RASGRF1: variants seen among roughly 807,000 people sequenced by gnomAD.
The protein encoded by RASGRF1 is Ras protein specific guanine nucleotide releasing factor 1.
In RASGRF1, 40 loss-of-function variants were observed where a neutral mutation model predicts 138.7. The ratio of observed to expected loss-of-function variants is 0.29; its 90% CI spans 0.22 to 0.38. The LOEUF (loss-of-function observed/expected upper bound fraction) is 0.38. RASGRF1 is among the 10% of genes least tolerant of loss of function. The pLI is 1.00. For synonymous variants in RASGRF1, 614 were observed against 663.2 expected (o/e 0.93, Z 1.14); for missense variants, 1,108 against 1,650.4 (o/e 0.67, Z 5.69).
chr15:79,007,319 C>T (rs1196850901), intron 13 of RASGRF1, among the ~76,000 whole-genome samples: 1 of 152,148 alleles, frequency 6.6e-6, no homozygotes, highest in East Asian at 1.9e-4. Context: ...CCCTCTGGTG[C>T]TTACGCCACT....
At chr15:79,041,729 A>C (rs1209379181) in intron 5 of RASGRF1, among the ~76,000 whole-genome samples, 1 of 152,200 alleles carries the variant, frequency 6.6e-6, no homozygotes, top group Non-Finnish European at 1.5e-5. Context: ...GGCAGATAGG[A>C]CTGGGCAGGA....
intron 1 of RASGRF1, among the ~76,000 whole-genome samples, chr15:79,078,241 C>T (rs911819370): frequency 1.3e-5 from 2 of 151,816 alleles, no homozygotes; most frequent in Non-Finnish European, 2.9e-5. Flanking sequence ...CCATATAGGC[C>T]CCCCCGGCCC....
intron 24 of RASGRF1, among the ~76,000 whole-genome samples, chr15:78,976,972 G>A (rs1014605699): frequency 6.6e-6 from 1 of 152,230 alleles, no homozygotes; most frequent in African/African-American, 2.4e-5. Flanking sequence ...AGGCCTCGCT[G>A]TCGCACTCCC....
At chr15:79,075,103 G>A (rs1247352104) in intron 1 of RASGRF1, among the ~76,000 whole-genome samples, 1 of 152,192 alleles carries the variant, frequency 6.6e-6, no homozygotes, top group Non-Finnish European at 1.5e-5. Flanking sequence ...GCTGGACACT[G>A]GAGTTTGACG....
At chr15:79,075,224 C>T (rs1034998273) in intron 1 of RASGRF1, among the ~76,000 whole-genome samples, 8 of 152,226 alleles carry the variant, frequency 5.3e-5, no homozygotes, top group African/African-American at 1.9e-4. Flanking sequence ...CAAACTATAC[C>T]TGCGACCTAC....
intron 1 of RASGRF1, among the ~76,000 whole-genome samples, chr15:79,089,553 C>CAGCCCTGGCCCT (rs891081004): frequency 3.9e-5 from 6 of 152,262 alleles, no homozygotes; most frequent in African/African-American, 1.4e-4. Context: ...GCCTCCGCAG[C>CAGCCCTGGCCCT]AGCCCTGGCC....
intron 5 of RASGRF1, among the ~76,000 whole-genome samples, chr15:79,038,640 A>G (rs1732924943): frequency 6.6e-6 from 1 of 152,182 alleles, no homozygotes; most frequent in Admixed American, 6.5e-5. Context: ...TTAATTTTAA[A>G]TAACTATATT....
intron 4 of RASGRF1, 75 bp downstream of exon 4, chr15:79,049,421 T>C (rs1273142169): frequency 7.1e-7 from 1 of 1,401,830 alleles, no homozygotes. Context: ...GGCTGTGGTG[T>C]GGATACTGCC....
chr15:79,083,174 A>AGGAGGCT (rs2057935565), intron 1 of RASGRF1, among the ~76,000 whole-genome samples: 1 of 152,182 alleles, frequency 6.6e-6, no homozygotes, highest in Admixed American at 6.5e-5. Flanking sequence ...TCCTCAGTGA[A>AGGAGGCT]GGAGGCTGGA....
At position 78,985,125 on chromosome 15, in the gene RASGRF1, G is replaced by A; in HGVS notation, c.3296C>T (p.Ala1099Val). The A allele has an allele frequency of 3.7e-6, 6 of 1,613,486 alleles. No homozygotes were observed. The highest frequency in any genetic ancestry group is 5.1e-6 in the Non-Finnish European group (6 of 1,179,412). Reference sequence around the variant, plus strand: ...GAGGCAGCGGCATATGTCAGCTACGGCCACCCACTTCTCGATGGCGCTCAC... The same window carrying A: ...GAGGCAGCGGCATATGTCAGCTACGACCACCCACTTCTCGATGGCGCTCAC... ...ARVSAIEKWV[A>V]VADICRCLHN... The change falls in exon 23 of 27, where the codon GCC becomes GTC. Residue 1099 changes from alanine (A) to valine (V), a missense_variant. By Grantham distance (64) the Ala-to-Val change is moderately conservative. Transcript: ENST00000558480.
At chr15:79,010,492 C>T (rs1362265199) in intron 13 of RASGRF1, among the ~76,000 whole-genome samples, 2 of 152,200 alleles carry the variant, frequency 1.3e-5, no homozygotes, top group Non-Finnish European at 2.9e-5. Flanking sequence ...GCAATGTCTG[C>T]CAGGGGCTCT....
At chr15:79,040,317 C>T (rs1470282410) in intron 5 of RASGRF1, among the ~76,000 whole-genome samples, 4 of 152,156 alleles carry the variant, frequency 2.6e-5, no homozygotes, top group South Asian at 4.1e-4. Context: ...ACCCCTGTCA[C>T]CTCTGCCTAG....
intron 19 of RASGRF1, among the ~76,000 whole-genome samples, 176 bp from the exon 20 acceptor site, chr15:78,995,976 C>A (rs1341190247): frequency 1.3e-5 from 2 of 152,220 alleles, no homozygotes; most frequent in African/African-American, 4.8e-5. Flanking sequence ...TCCTGGCGCT[C>A]CTGGCTGTGG....
At chr15:78,971,054 A>C (rs369278316) in intron 26 of RASGRF1, among the ~76,000 whole-genome samples, 18 of 152,120 alleles carry the variant, frequency 1.2e-4, no homozygotes, top group Non-Finnish European at 2.1e-4. Context: ...CACTGTACTT[A>C]GCATTACACA....
intron 5 of RASGRF1, among the ~76,000 whole-genome samples, chr15:79,042,294 C>A (rs1229337117): frequency 6.6e-6 from 1 of 152,192 alleles, no homozygotes; most frequent in East Asian, 1.9e-4. Flanking sequence ...CTGTATATTT[C>A]AGCCTAAAAG....
intron 1 of RASGRF1, among the ~76,000 whole-genome samples, chr15:79,071,230 G>A (rs1173271424): frequency 2.0e-5 from 3 of 152,192 alleles, no homozygotes; most frequent in Non-Finnish European, 4.4e-5. Context: ...CCTCTGGCAT[G>A]GATAGGCCAA....
chr15:79,027,155 T>C lies in RASGRF1; in HGVS notation c.1381+586A>G, dbSNP rs569996772. On this transcript the variant is annotated intron_variant, in intron 9 of 26. Transcript: ENST00000558480. The surrounding 1 kb of genome is among the most constrained non-coding windows in gnomAD (Gnocchi z 4.8). ...ATGAATTTCAAATGCATTGCAGTTC[T>C]GATGTCAGTCCCCTGAGCCACAGAG... is the stretch of plus-strand genomic sequence containing the variant. Among the ~76,000 whole-genome samples, 54 of 152,314 alleles carry C rather than the reference T, an allele frequency of 3.5e-4. No homozygotes were observed. In the South Asian group the frequency reaches 0.011, roughly 31 times the overall value.
intron 5 of RASGRF1, among the ~76,000 whole-genome samples, chr15:79,043,406 G>C (rs552536699): frequency 6.6e-6 from 1 of 152,050 alleles, no homozygotes; most frequent in Non-Finnish European, 1.5e-5. Flanking sequence ...TTTCTTGCAG[G>C]GTGCATTATT....
chr15:78,987,695 T>TAAACA lies in RASGRF1; in HGVS notation c.3216+2489_3217-2492dup, dbSNP rs566041570. On this transcript the variant is annotated intron_variant, in intron 22 of 26. Transcript: ENST00000558480. ...TGGGCGACAGAGGGAGACTGTGTCT[T>TAAACA]AAACAAAACAAAACAAAACAAAAAA... Among the ~76,000 whole-genome samples, 161 of 151,648 alleles carry TAAACA rather than the reference T, an allele frequency of 1.1e-3. 1 individual carries two copies. Among genetic ancestry groups the TAAACA allele is most frequent in the Admixed American group, 2.4e-3 (36 of 15,208 alleles).
Sources: allele counts gnomAD v4.1 joint callset (sites outside exome capture counted in the v4.1 genomes callset), GRCh38; gene constraint gnomAD v4.1.1; non-coding constraint Gnocchi (gnomAD v3.1); transcripts MANE v1.5; gene names NCBI Gene and HGNC (gene_info 2026-07-23, HGNC 2026-07-21).